The following DLC1 variants were observed in gnomAD, a reference collection of about 807,000 sequenced individuals.
DLC1 encodes DLC1 Rho GTPase activating protein.
Under a neutral mutation model 140.3 loss-of-function variants are expected in DLC1, and 54 were observed. That is an observed-to-expected ratio of 0.38 (90% CI 0.31 to 0.48). The LOEUF (loss-of-function observed/expected upper bound fraction) is 0.48. DLC1 is among the 20% of genes least tolerant of loss of function. DLC1 has a pLI of 0.96. For synonymous variants in DLC1, 986 were observed against 728.1 expected (o/e 1.35, Z -5.70); for missense variants, 2,536 against 1,907.0 (o/e 1.33, Z -6.14).
chr8:13,467,735 C>G (rs987622896), intron 2 of DLC1, among the ~76,000 whole-genome samples: 1 of 152,166 alleles, frequency 6.6e-6, no homozygotes, highest in Non-Finnish European at 1.5e-5. Flanking sequence ...TGTCCCAAAT[C>G]AATTAATCAA....
intron 5 of DLC1, among the ~76,000 whole-genome samples, chr8:13,154,140 C>T (rs1585787193): frequency 6.6e-6 from 1 of 152,230 alleles, no homozygotes; most frequent in African/African-American, 2.4e-5. Context: ...AAAGGTTCTC[C>T]AAGTCCCCAG....
rs796878901 is a variant in DLC1 at position 13,471,632 on chromosome 8, T to C, written c.1023+27417A>G. ...AAATGATCTGTACAACAAAACCCTA[T>C]GACACGAGTTTACCTATGTAACAAA... On this transcript the variant is annotated intron_variant, in intron 2 of 17. Coordinates refer to ENST00000276297, the MANE Select transcript of DLC1 (RefSeq NM_182643.3). Among the ~76,000 whole-genome samples the C allele has an allele frequency of 3.3e-5, 5 of 151,506 alleles. 1 individual carries two copies. Among genetic ancestry groups the C allele is most frequent in the African/African-American group, 9.7e-5 (4 of 41,236 alleles).
At chr8:13,362,528 A>G (rs1227014497) in intron 4 of DLC1, among the ~76,000 whole-genome samples, 1 of 151,804 alleles carries the variant, frequency 6.6e-6, no homozygotes, top group Non-Finnish European at 1.5e-5. Flanking sequence ...ATTAGCTCAC[A>G]TCCCTTCCAC....
intron 5 of DLC1, among the ~76,000 whole-genome samples, chr8:13,278,972 C>T (rs1466918277): frequency 2.0e-5 from 3 of 152,260 alleles, no homozygotes; most frequent in Non-Finnish European, 1.5e-5. Context: ...GATTCATACT[C>T]GGAGCCGTCT....
chr8:13,503,852 C>A (rs771525408), intron 1 of DLC1, among the ~76,000 whole-genome samples: 16 of 152,174 alleles, frequency 1.1e-4, no homozygotes, highest in Non-Finnish European at 2.2e-4. Flanking sequence ...AAAGAAAGTT[C>A]TATCATAGAT....
intron 4 of DLC1, among the ~76,000 whole-genome samples, chr8:13,391,852 A>T (rs1836775598): frequency 6.6e-6 from 1 of 151,730 alleles, no homozygotes; most frequent in East Asian, 2.0e-4. Flanking sequence ...AAGTGAATTA[A>T]ATAATAAATA....
intron 7 of DLC1, 46 bp from the exon 8 acceptor site, chr8:13,102,899 C>G (rs748110902): frequency 3.3e-6 from 5 of 1,503,000 alleles, no homozygotes; most frequent in East Asian, 2.3e-5. Context: ...CAACCACTCT[C>G]TAATGAGTGG....
upstream of DLC1, among the ~76,000 whole-genome samples, chr8:13,519,625 G>A (rs932468310): frequency 2.0e-5 from 3 of 152,018 alleles, no homozygotes; most frequent in African/African-American, 7.3e-5. Context: ...ACTTAAGTTT[G>A]GTCTTAAATT....
chr8:13,170,043 T>A (rs1424014662), intron 5 of DLC1, among the ~76,000 whole-genome samples: 1 of 151,834 alleles, frequency 6.6e-6, no homozygotes, highest in Non-Finnish European at 1.5e-5. Context: ...ATAAAAAAAA[T>A]TAGAGGAATA....
chr8:13,479,942 T>C (rs922807183), intron 2 of DLC1, among the ~76,000 whole-genome samples: 3 of 95,622 alleles, frequency 3.1e-5, no homozygotes, highest in African/African-American at 9.9e-5. Flanking sequence ...GGCGTGTGTC[T>C]GTAGGCCCAG....
intron 5 of DLC1, among the ~76,000 whole-genome samples, chr8:13,167,818 G>A (rs1223820505): frequency 1.3e-5 from 2 of 152,044 alleles, no homozygotes; most frequent in Non-Finnish European, 2.9e-5. Flanking sequence ...ACTCCAACTG[G>A]GAAGTATAAC....
intron 2 of DLC1, among the ~76,000 whole-genome samples, chr8:13,464,631 A>G (rs907152091): frequency 7.3e-5 from 11 of 151,482 alleles, no homozygotes; most frequent in Non-Finnish European, 1.6e-4. Context: ...ACTTCCATTT[A>G]CCTTTGTGCT....
At chr8:13,517,315 T>A (rs751948248), upstream of DLC1, among the ~76,000 whole-genome samples, 56 of 152,180 alleles carry the variant, frequency 3.7e-4, no homozygotes, top group Non-Finnish European at 7.4e-4. Flanking sequence ...TTTGTTTCTA[T>A]TTCTATTGGC....
At chr8:13,095,342 A>G in intron 10 of DLC1, 97 bp from the exon 11 acceptor site, 1 of 1,466,494 alleles carries the variant, frequency 6.8e-7, no homozygotes, top group South Asian at 1.2e-5. Context: ...TGGGCTCCAG[A>G]TCTGTGCTAA....
chr8:13,572,780 A>T (rs1379466497), intron 1 of DLC1, among the ~76,000 whole-genome samples: 1 of 152,142 alleles, frequency 6.6e-6, no homozygotes, highest in African/African-American at 2.4e-5. Context: ...GTGAAAAATC[A>T]GTTGGTCATA....
chr8:13,089,736 G>A (rs1239199471), intron 15 of DLC1, among the ~76,000 whole-genome samples: 1 of 152,230 alleles, frequency 6.6e-6, no homozygotes, highest in Non-Finnish European at 1.5e-5. Context: ...GATGGTAGAG[G>A]CGGCATCAAC....
intron 2 of DLC1, among the ~76,000 whole-genome samples, chr8:13,489,340 C>T (rs1250272123): frequency 7.8e-6 from 1 of 128,190 alleles, no homozygotes; most frequent in African/African-American, 2.9e-5. Flanking sequence ...CAGTCCCCGC[C>T]CCCGGCCCCG....
intron 2 of DLC1, among the ~76,000 whole-genome samples, chr8:13,402,197 C>T (rs866636710): frequency 2.0e-5 from 3 of 152,160 alleles, no homozygotes; most frequent in Admixed American, 6.5e-5. Flanking sequence ...TTATTTTACA[C>T]ACTTATAAAA....
intron 2 of DLC1, among the ~76,000 whole-genome samples, chr8:13,414,244 G>T (rs112968666): frequency 6.6e-6 from 1 of 152,098 alleles, no homozygotes; most frequent in Non-Finnish European, 1.5e-5. Flanking sequence ...CATAATGACT[G>T]AGTATCCTTA....
Sources: allele counts gnomAD v4.1 joint callset (sites outside exome capture counted in the v4.1 genomes callset), GRCh38; gene constraint gnomAD v4.1.1; transcripts MANE v1.5; gene names NCBI Gene and HGNC (gene_info 2026-07-23, HGNC 2026-07-21).